FRYL: variants seen among roughly 807,000 people sequenced by gnomAD.
FRYL encodes the protein FRY like transcription coactivator.
Under a neutral mutation model 351.2 loss-of-function variants are expected in FRYL, and 150 were observed. The ratio of observed to expected loss-of-function variants is 0.43; its 90% confidence interval spans 0.37 to 0.49. FRYL has a LOEUF of 0.49. Ranked by LOEUF, FRYL falls within the 20% of genes least tolerant of loss-of-function variation. The pLI is 0.00. For synonymous variants in FRYL, 1,153 were observed against 1,257.1 expected, an observed-to-expected ratio of 0.92 and a Z score of 1.75; for missense variants, 3,036 against 3,619.3, an observed-to-expected ratio of 0.84 and a Z score of 4.13.
At chr4:48,525,605 A>G (rs6827481) in intron 53 of FRYL, among the ~76,000 whole-genome samples, 149,890 of 152,326 alleles carry the variant, frequency 0.98, 73,781 homozygotes, top group East Asian at 1. Flanking sequence ...GAATGTGTAT[A>G]AGCTGTATAT....
chr4:48,562,753 T>C, intron 32 of FRYL, 136 bp downstream of exon 32: 1 of 587,108 alleles, frequency 1.7e-6, no homozygotes, highest in African/African-American at 1.9e-5. Context: ...TAATAATAAT[T>C]AGGCCTTGAT....
intron 22 of FRYL, 136 bp from the exon 23 acceptor site, chr4:48,579,377 G>C: frequency 1.5e-6 from 1 of 675,336 alleles, no homozygotes; most frequent in African/African-American, 1.8e-5. Context: ...GTAGGTTGAA[G>C]GGAGTAGAGA....
intron 3 of FRYL, among the ~76,000 whole-genome samples, chr4:48,658,039 T>C (rs1759613191): frequency 6.6e-6 from 1 of 152,206 alleles, no homozygotes; most frequent in African/African-American, 2.4e-5. Flanking sequence ...TACATTCCAA[T>C]ACACCAAAAC....
chr4:48,595,808 A>G, intron 14 of FRYL, 89 bp downstream of exon 14: 1 of 1,115,062 alleles, frequency 9.0e-7, no homozygotes, highest in Non-Finnish European at 1.3e-6. Flanking sequence ...TTCCACCCAC[A>G]AAGTATAATG....
chr4:48,655,971 G>A (rs1307772165), intron 3 of FRYL, among the ~76,000 whole-genome samples: 1 of 137,316 alleles, frequency 7.3e-6, no homozygotes, highest in Non-Finnish European at 1.5e-5. Context: ...TATATAATGT[G>A]CATTATATAT....
chr4:48,523,098 T>G lies in FRYL; in HGVS notation c.7324A>C (p.Ser2442Arg), dbSNP rs768668390. 2 of 1,612,092 alleles carry G rather than the reference T, an allele frequency of 1.2e-6. No homozygotes were observed. Among genetic ancestry groups the G allele is most frequent in the Admixed American group, 3.3e-5 (2 of 59,948 alleles). The change falls in exon 54 of 64, where the codon AGT becomes CGT. Residue 2442 changes from serine (S) to arginine (R), a missense_variant. By Grantham distance (110) the Ser-to-Arg change is moderately radical (BLOSUM62 -1). Coordinates refer to ENST00000358350, the MANE Select transcript of FRYL (RefSeq NM_015030.2). ...ACTCCCCAGTTGAAATTGTCCATACTTTCACCCTGGAAAAGCAAGACACGA... is the reference window on the plus strand; with the variant it reads ...ACTCCCCAGTTGAAATTGTCCATACGTTCACCCTGGAAAAGCAAGACACGA... ...DVELEDAEGE[S>R]MDNFNWGVRR...
chr4:48,621,927 G>A (rs1251797745), intron 5 of FRYL, among the ~76,000 whole-genome samples: 4 of 151,890 alleles, frequency 2.6e-5, no homozygotes, highest in Non-Finnish European at 5.9e-5. Flanking sequence ...GTATAAACAA[G>A]GTTCTAATTT....
intron 10 of FRYL, 75 bp downstream of exon 10, chr4:48,606,363 G>C: frequency 1.1e-6 from 1 of 900,110 alleles, no homozygotes; most frequent in Non-Finnish European, 1.6e-6. Context: ...CGTGTATTTT[G>C]TTTCTTTTAA....
In FRYL at chr4:48,564,829, C is replaced by T. The variant is rs571581571; in HGVS notation, c.3441+104G>A. 72 of 609,250 alleles carry T rather than the reference C, an allele frequency of 1.2e-4. No individual in the cohort carries two copies. The South Asian group carries it at 1.6e-3, about 14-fold the overall frequency. The allele number at this position is 609,250 out of a possible 1,614,324, so 37.7% of individuals were successfully genotyped here. On this transcript the variant is annotated intron_variant, in intron 30 of 63. Transcript: ENST00000358350. ...TATGCTTTTTGCATATGATCCTAAC[C>T]TATCTTATTTTTTTAAAAGACTTGT...
chr4:48,654,332 A>C (rs1758373193), intron 3 of FRYL, among the ~76,000 whole-genome samples: 1 of 151,962 alleles, frequency 6.6e-6, no homozygotes, highest in South Asian at 2.1e-4. Context: ...AAAAACAAAA[A>C]AAACTGGAGG....
At chr4:48,606,675 T>G in intron 9 of FRYL, 69 bp from the exon 10 acceptor site, 1 of 1,308,278 alleles carries the variant, frequency 7.6e-7, no homozygotes, top group Non-Finnish European at 1.0e-6. Flanking sequence ...TATTTAAGGG[T>G]AAAAATCAAA....
intron 1 of FRYL, among the ~76,000 whole-genome samples, chr4:48,753,240 T>A (rs764910118): frequency 6.6e-6 from 1 of 152,042 alleles, no homozygotes; most frequent in Non-Finnish European, 1.5e-5. Flanking sequence ...ACATAAAAAA[T>A]TTAGGCTCAA....
chr4:48,647,788 G>A (rs1217516888), intron 3 of FRYL, among the ~76,000 whole-genome samples: 1 of 152,156 alleles, frequency 6.6e-6, no homozygotes, highest in Non-Finnish European at 1.5e-5. Context: ...AGTACAATGA[G>A]TTGGCTTTCT....
At chr4:48,716,285 T>G (rs1175773863) in intron 1 of FRYL, among the ~76,000 whole-genome samples, 3 of 151,230 alleles carry the variant, frequency 2.0e-5, no homozygotes, top group African/African-American at 4.8e-5. Flanking sequence ...GGGATCTAAT[T>G]AAACTAAAGA....
chr4:48,707,977 C>T (rs572278549), intron 2 of FRYL, among the ~76,000 whole-genome samples: 2 of 151,904 alleles, frequency 1.3e-5, no homozygotes, highest in Non-Finnish European at 2.9e-5. Flanking sequence ...CGTGCCACCA[C>T]ACCCGGCTAA....
intron 1 of FRYL, among the ~76,000 whole-genome samples, chr4:48,711,470 G>C (rs943655314): frequency 7.6e-6 from 1 of 131,570 alleles, no homozygotes; most frequent in African/African-American, 2.9e-5. Flanking sequence ...TGCTAGCACA[G>C]CAGTCTGAGA....
chr4:48,709,583 A>G (rs1767780785), intron 2 of FRYL, among the ~76,000 whole-genome samples: 2 of 152,200 alleles, frequency 1.3e-5, no homozygotes, highest in South Asian at 4.1e-4. Context: ...TAGGGAAGAA[A>G]ACATAGCCTC....
intron 3 of FRYL, among the ~76,000 whole-genome samples, chr4:48,643,087 C>T (rs1217081104): frequency 6.6e-6 from 1 of 152,190 alleles, no homozygotes; most frequent in Non-Finnish European, 1.5e-5. Context: ...TGACTTTTCT[C>T]CTCTAGCTGG....
intron 1 of FRYL, among the ~76,000 whole-genome samples, chr4:48,713,938 A>C (rs927941127): frequency 7.9e-5 from 12 of 152,292 alleles, no homozygotes; most frequent in East Asian, 1.9e-4. Flanking sequence ...ACCACAGTGC[A>C]ATCAAACTAG....
Sources: allele counts gnomAD v4.1 joint callset (sites outside exome capture counted in the v4.1 genomes callset), GRCh38; gene constraint gnomAD v4.1.1; transcripts MANE v1.5; gene names NCBI Gene and HGNC (gene_info 2026-07-23, HGNC 2026-07-21).